The following HARS1 variants were observed in gnomAD, a reference collection of about 807,000 sequenced individuals.
The protein encoded by HARS1 is histidine--tRNA ligase, cytoplasmic.
A neutral mutation model predicts 63.6 loss-of-function variants in HARS1; 45 were observed. The observed-to-expected ratio is 0.71, with a 90% CI of 0.56 to 0.91. The LOEUF (loss-of-function observed/expected upper bound fraction) is 0.91, where lower values mean the gene tolerates loss of function less well. Ranked by LOEUF, HARS1 falls within the 40% of genes least tolerant of loss-of-function variation. The probability of loss-of-function intolerance (pLI) is 0.00; values close to 1 mark genes in which losing one functional copy is unlikely to be tolerated. For synonymous variants in HARS1, 205 were observed against 247.1 expected (o/e 0.83, Z 1.60); for missense variants, 508 against 643.2 (o/e 0.79, Z 2.27).
chr5:140,687,516 A>G (rs1336564197), intron 2 of HARS1: 1 of 152,188 alleles, frequency 6.6e-6, no homozygotes, highest in African/African-American at 2.4e-5. Context: ...ACTGAACTCC[A>G]GCCTGGGCAA....
intron 2 of HARS1, chr5:140,684,455 AT>A: frequency 1.0e-6 from 1 of 965,248 alleles, no homozygotes; most frequent in Non-Finnish European, 1.2e-6. Context: ...TTTCTTTTAA[AT>A]CTTAGTTACA....
At position 140,683,219 on chromosome 5, in the gene HARS1, C is replaced by G. The variant is rs149336018; in HGVS notation, c.181G>C (p.Gly61Arg). ...TGCCGGGGACTATAGTCTCTTGTGC[C>G]CTTGGAGTTGAAATCAGCCAGAGAA... ...KQKFVLKTPK[G>R]TRDYSPRQMA... The change falls in exon 3 of 13, where the codon GGC (glycine) becomes CGC (arginine). Residue 61 changes from glycine (G) to arginine (R), a missense_variant and splice_region_variant. This residue lies in a region of HARS1 where 105 missense variants were observed against 94.5 expected (regional missense o/e 1.11). Coordinates refer to ENST00000504156, the MANE Select transcript of HARS1 (RefSeq NM_002109.6). 6.2e-7 allele frequency: 1 copy of G among 1,613,276 alleles called. No homozygotes were observed. Among genetic ancestry groups the G allele is most frequent in the South Asian group, 1.1e-5 (1 of 90,898 alleles).
At chr5:140,678,959 G>T in intron 5 of HARS1, 43 bp downstream of exon 5, 2 of 1,603,900 alleles carry the variant, frequency 1.2e-6, no homozygotes, top group Non-Finnish European at 1.7e-6. Context: ...GCTTGAGAGA[G>T]CCCCAAGTAA....
At position 140,677,546 on chromosome 5, in the gene HARS1, T is replaced by C; in HGVS notation, c.729+109A>G. 2.8e-6 allele frequency: 3 copies of C among 1,053,784 alleles called. No homozygotes were observed. The South Asian group carries it at 3.8e-5, about 13-fold the overall frequency. 65.3% of individuals were successfully genotyped at this position (1,053,784 alleles called of 1,614,324 possible). ...ATGAGCCTACATCCTGGGGCTAACC[T>C]TCCTCTGGTGGGTATAGAGGCATGC... On this transcript the variant is annotated intron_variant, in intron 7 of 12. Coordinates refer to ENST00000504156, the MANE Select transcript of HARS1 (RefSeq NM_002109.6).
In HARS1 at chr5:140,678,088, C is replaced by T. The variant is rs1051798777; in HGVS notation, c.523-73G>A. 4 of 800,512 alleles carry T rather than the reference C, an allele frequency of 5.0e-6. No individual in the cohort carries two copies. In the African/African-American group the frequency reaches 6.7e-5, roughly 13 times the overall value. 49.6% of individuals were successfully genotyped at this position (800,512 alleles called of 1,614,324 possible). A position where few individuals can be genotyped will look rare whatever the true frequency, so the allele number is the denominator to read the frequency against. On this transcript the variant is annotated intron_variant, in intron 5 of 12. Coordinates refer to ENST00000504156, the MANE Select transcript of HARS1 (RefSeq NM_002109.6). ...AAGGGGGGACTCTGGGAGCTCTGTC[C>T]TCTAGGAAGGCCTGGTTGCACTCAA...
rs928504697 is a variant in HARS1 at position 140,677,903 on chromosome 5, C to T, written c.630+5G>A. 4 of 1,591,970 alleles carry T rather than the reference C, an allele frequency of 2.5e-6. No individual in the cohort carries two copies. Among genetic ancestry groups the T allele is most frequent in the Non-Finnish European group, 2.6e-6 (3 of 1,160,018 alleles). On this transcript the variant is annotated splice_donor_5th_base_variant and intron_variant, in intron 6 of 12. Transcript: ENST00000504156. Reference sequence around the variant, plus strand: ...CTTTGCCCTCCCAGCCTTGTCAGCTCTGACCTTGACCAGGAAGTCGCCTAT... The same window carrying T: ...CTTTGCCCTCCCAGCCTTGTCAGCTTTGACCTTGACCAGGAAGTCGCCTAT...
Position 140,674,334 on chromosome 5 carries a change from C to G in HARS1, c.1459-6G>C. 1.2e-6 allele frequency: 2 copies of G among 1,601,202 alleles called. No individual in the cohort carries two copies. Among genetic ancestry groups the G allele is most frequent in the Non-Finnish European group, 1.7e-6 (2 of 1,168,112 alleles). On this transcript the variant is annotated splice_polypyrimidine_tract_variant and splice_region_variant and intron_variant, in intron 12 of 12. Coordinates refer to ENST00000504156, the MANE Select transcript of HARS1 (RefSeq NM_002109.6). ...TCTTCTCTTCGGACATCCACCTGGC[C>G]AGGATGGGAGAAGAAGGTGGTATAA...
intron 8 of HARS1, 87 bp from the exon 9 acceptor site, chr5:140,677,203 A>T: frequency 2.0e-6 from 3 of 1,482,564 alleles, no homozygotes; most frequent in Non-Finnish European, 2.8e-6. Context: ...CTAGTCGCCC[A>T]TGCATGTGTG....
rs758358553 is a variant in HARS1 at position 140,674,260 on chromosome 5, G to A, written c.1527C>T (p.Cys509=). The change falls in exon 13 of 13, where the codon TGC becomes TGT. Residue 509 remains cysteine, a synonymous_variant. Transcript: ENST00000504156. ...KRRTGQPLCI[C] ...TTCCTCTGATAGTTTGTTCAGTTCA[G>A]CAGATGCAGAGGGGCTGGCCTGTTC... The A allele has an allele frequency of 6.3e-7, 1 of 1,596,340 alleles. No individual in the cohort carries two copies. Among genetic ancestry groups the A allele is most frequent in the Non-Finnish European group, 8.6e-7 (1 of 1,163,716 alleles).
At chr5:140,682,967 TTATTGG>T in intron 3 of HARS1, 127 bp downstream of exon 3, 3 of 759,350 alleles carry the variant, frequency 4.0e-6, no homozygotes, top group South Asian at 2.2e-5. Context: ...GTCCCCCTTC[TTATTGG>T]AGCAAAGACT....
chr5:140,691,033 T>C, intron 1 of HARS1, 89 bp from the exon 2 acceptor site: 1 of 965,494 alleles, frequency 1.0e-6, no homozygotes, highest in Non-Finnish European at 1.7e-6. Context: ...TCATCACATC[T>C]CTCTGCTCAG....
rs1758443206 is a variant in HARS1 at position 140,677,379 on chromosome 5, C to G, written c.771G>C (p.Lys257Asn). ...GGTCAGCCACCTCAGGTGCAAGGCC[C>G]TTCTCTCCCACCATCTCATTCTTCA... ...EEVKNEMVGE[K>N]GLAPEVADRI... Residue 257 changes from lysine to asparagine, a missense_variant, in exon 8 of 13, where the codon AAG (lysine) becomes AAC (asparagine). This residue lies in a region of HARS1 where 403 missense variants were observed against 548.7 expected (regional missense o/e 0.73). Coordinates refer to ENST00000504156, the MANE Select transcript of HARS1 (RefSeq NM_002109.6). 1.9e-6 allele frequency: 3 copies of G among 1,613,906 alleles called. No individual in the cohort carries two copies. The highest frequency in any genetic ancestry group is 1.1e-5 in the South Asian group (1 of 91,078).
Position 140,678,805 on chromosome 5 carries a change from C to T in HARS1, c.522+197G>A. On this transcript the variant is annotated intron_variant, in intron 5 of 12. Coordinates refer to ENST00000504156, the MANE Select transcript of HARS1 (RefSeq NM_002109.6). ...GTTGCAGTGAGCCAAGACTGCACCA[C>T]TGCACTCCAGCTTGGGCAACAGAGC... 3 of 514,562 alleles carry T rather than the reference C, an allele frequency of 5.8e-6. No homozygotes were observed. In the South Asian group the frequency reaches 7.0e-5, roughly 12 times the overall value. 31.9% of individuals were successfully genotyped at this position (514,562 alleles called of 1,614,324 possible). A position where few individuals can be genotyped will look rare whatever the true frequency, so the allele number is the denominator to read the frequency against.
At chr5:140,687,600 G>C (rs1196824867) in intron 2 of HARS1, 1 of 151,942 alleles carries the variant, frequency 6.6e-6, no homozygotes, top group Non-Finnish European at 1.5e-5. Flanking sequence ...ACATAGTTAA[G>C]TAAAACTGAA....
intron 3 of HARS1, among the ~76,000 whole-genome samples, chr5:140,680,829 A>C (rs1462889750): frequency 1.3e-5 from 2 of 151,834 alleles, no homozygotes; most frequent in Non-Finnish European, 2.9e-5. Context: ...GACGAGAGTG[A>C]AACTCTGTCT....
In HARS1 at chr5:140,683,104, A is replaced by C. The variant is rs1758818266; in HGVS notation, c.296T>G (p.Leu99Arg). Residue 99 changes from leucine (L) to arginine (R), a missense_variant, in exon 3 of 13, where the codon CTA (leucine) becomes CGA (arginine). Physicochemically the swap from Leu to Arg is moderately radical, Grantham distance 102. This residue lies in a region of HARS1 where 403 missense variants were observed against 548.7 expected (regional missense o/e 0.73). Coordinates refer to ENST00000504156, the MANE Select transcript of HARS1 (RefSeq NM_002109.6). ...TTCTTCTTGCCCATTCCTCACCTTT[A>C]GTTCAAATACAGGTGTATCAATGAC... ...AEVIDTPVFE[L>R]KETLMGKYGE... The C allele has an allele frequency of 4.3e-6, 7 of 1,613,334 alleles. No homozygotes were observed. The highest frequency in any genetic ancestry group is 1.7e-5 in the Admixed American group (1 of 59,920).
intron 2 of HARS1, among the ~76,000 whole-genome samples, chr5:140,688,439 C>T (rs1759177222): frequency 1.3e-5 from 2 of 152,126 alleles, no homozygotes; most frequent in South Asian, 4.1e-4. Flanking sequence ...ATCATTTCAT[C>T]CATAAATACT....
At chr5:140,685,775 C>CA (rs1241982955) in intron 2 of HARS1, among the ~76,000 whole-genome samples, 9 of 150,080 alleles carry the variant, frequency 6.0e-5, no homozygotes, top group South Asian at 2.1e-4. Flanking sequence ...TATTTTCCTA[C>CA]AAAAAAAAAT....
chr5:140,676,738 G>C lies in HARS1; in HGVS notation c.1110C>G (p.Phe370Leu). The C allele has an allele frequency of 6.2e-7, 1 of 1,614,160 alleles. No individual in the cohort carries two copies. The highest frequency in any genetic ancestry group is 8.5e-7 in the Non-Finnish European group (1 of 1,180,026). The change falls in exon 10 of 13, where the codon TTC becomes TTG. Residue 370 changes from phenylalanine to leucine, a missense_variant. Physicochemically the swap from Phe to Leu is conservative, Grantham distance 22. Around this residue, in one of 2 missense-constraint regions of HARS1, gnomAD observed 403 missense variants for 548.7 expected, o/e 0.73. Transcript: ENST00000504156. The surrounding 1 kb of genome is among the most constrained non-coding windows in gnomAD (Gnocchi z 4.1). ...ATGGCACCTTGCGCCCTTTGGGGTC[G>C]AACATGCCCACTAGCCCATCATAGC... is the stretch of plus-strand genomic sequence containing the variant. ...GGRYDGLVGM[F>L]DPKGRKVPCV...
Sources: allele counts gnomAD v4.1 joint callset (sites outside exome capture counted in the v4.1 genomes callset), GRCh38; gene constraint gnomAD v4.1.1; regional missense constraint gnomAD v4.1.1; non-coding constraint Gnocchi (gnomAD v3.1); transcripts MANE v1.5; gene names NCBI Gene and HGNC (gene_info 2026-07-23, HGNC 2026-07-21).